Variants in SEMA5A observed in about 807,000 individuals in gnomAD.
SEMA5A encodes semaphorin 5A, also known as semaphorin-5A.
SEMA5A carries 55 observed loss-of-function variants against 135.5 expected under a neutral mutation model. The observed-to-expected ratio is 0.41, with a 90% CI of 0.33 to 0.51. The LOEUF is 0.51. Among genes scored for constraint, SEMA5A ranks in the 20% least tolerant of loss-of-function variants. The pLI, the probability that SEMA5A is intolerant of heterozygous loss-of-function variation, is 0.37. For synonymous variants in SEMA5A, 580 were observed against 546.5 expected (o/e 1.06, Z -0.85); for missense variants, 1,290 against 1,419.9 (o/e 0.91, Z 1.47).
chr5:9,458,653 G>A (rs1758938634), intron 1 of SEMA5A, among the ~76,000 whole-genome samples: 1 of 152,202 alleles, frequency 6.6e-6, no homozygotes, highest in Non-Finnish European at 1.5e-5. Context: ...CCAAGGGTGA[G>A]GGAGGGAAGA....
At chr5:9,239,997 A>G (rs866267599) in intron 5 of SEMA5A, among the ~76,000 whole-genome samples, 2 of 152,098 alleles carry the variant, frequency 1.3e-5, no homozygotes, top group Non-Finnish European at 2.9e-5. Flanking sequence ...AGTCTACCTA[A>G]TGCCCAAATA....
At chr5:9,281,194 T>C (rs929305) in intron 5 of SEMA5A, among the ~76,000 whole-genome samples, 58,882 of 152,092 alleles carry the variant, frequency 0.39, 11,767 homozygotes, top group East Asian at 0.48. Context: ...AATGTATCTT[T>C]ACTTCTATAG....
chr5:9,220,193 G>A (rs946778173), intron 8 of SEMA5A, among the ~76,000 whole-genome samples: 5 of 152,154 alleles, frequency 3.3e-5, no homozygotes, highest in Admixed American at 2.6e-4. Flanking sequence ...ATGGTCTTTT[G>A]GGACTTGTGG....
chr5:9,314,919 G>A (rs953489934), intron 5 of SEMA5A, among the ~76,000 whole-genome samples: 2 of 152,050 alleles, frequency 1.3e-5, no homozygotes, highest in African/African-American at 4.8e-5. Context: ...AGTAGACTAA[G>A]CTCTCACCAC....
At chr5:9,173,831 C>T (rs1744060999) in intron 11 of SEMA5A, among the ~76,000 whole-genome samples, 1 of 152,128 alleles carries the variant, frequency 6.6e-6, no homozygotes, top group African/African-American at 2.4e-5. Context: ...AAGACAGGAT[C>T]GTGTAGGAAC....
At chr5:9,148,479 G>C (rs923012329) in intron 12 of SEMA5A, among the ~76,000 whole-genome samples, 1 of 152,232 alleles carries the variant, frequency 6.6e-6, no homozygotes, top group Admixed American at 6.5e-5. Flanking sequence ...CCTGGAACGC[G>C]GGAGGATTAT....
chr5:9,271,963 CAGG>C, intron 5 of SEMA5A, among the ~76,000 whole-genome samples: 1 of 152,252 alleles, frequency 6.6e-6, no homozygotes, highest in East Asian at 1.9e-4. Flanking sequence ...AAGCTAGCCA[CAGG>C]AGTTGTTTTT....
At chr5:9,400,584 G>T (rs1579479546) in intron 2 of SEMA5A, among the ~76,000 whole-genome samples, 2 of 48,728 alleles carry the variant, frequency 4.1e-5, no homozygotes, top group South Asian at 1.4e-3. Context: ...TCGGCTCACT[G>T]CAAGCTCCGC....
At chr5:9,430,686 C>G (rs894413333) in intron 2 of SEMA5A, among the ~76,000 whole-genome samples, 1 of 152,098 alleles carries the variant, frequency 6.6e-6, no homozygotes, top group Non-Finnish European at 1.5e-5. Context: ...GACTGAGCCT[C>G]GACTGCTGGA....
At chr5:9,454,909 C>T (rs1476494410) in intron 1 of SEMA5A, among the ~76,000 whole-genome samples, 1 of 152,170 alleles carries the variant, frequency 6.6e-6, no homozygotes, top group Non-Finnish European at 1.5e-5. Flanking sequence ...AACTAGATGA[C>T]ATGTGTTCTC....
chr5:9,181,590 C>G (rs1405285637), intron 11 of SEMA5A, among the ~76,000 whole-genome samples: 1 of 152,114 alleles, frequency 6.6e-6, no homozygotes, highest in Non-Finnish European at 1.5e-5. Flanking sequence ...AGGCCTAACT[C>G]AGCCCCTCAG....
intron 1 of SEMA5A, among the ~76,000 whole-genome samples, chr5:9,504,018 T>C (rs1425131650): frequency 6.6e-6 from 1 of 151,894 alleles, no homozygotes; most frequent in African/African-American, 2.4e-5. Context: ...GATTTGAGAC[T>C]AGCCTGGCCA....
At chr5:9,059,638 C>T (rs1737075364) in intron 18 of SEMA5A, among the ~76,000 whole-genome samples, 1 of 152,192 alleles carries the variant, frequency 6.6e-6, no homozygotes, top group South Asian at 2.1e-4. Flanking sequence ...CAAACTCCAC[C>T]TCCTGGGCTC....
rs187665067 is a variant in SEMA5A, at chr5:9,272,463, A to T, written c.271-34573T>A. ...CAGCAGGCTGAAACATCCCTGCCTG[A>T]TGGCTCTGAAGAGAACAGAGATCTC... is the stretch of plus-strand genomic sequence containing the variant. On this transcript the variant is annotated intron_variant, in intron 5 of 22. Transcript: ENST00000382496. Among the ~76,000 whole-genome samples the T allele has an allele frequency of 3.9e-4, 59 of 152,258 alleles. No individual in the cohort carries two copies. The East Asian group carries it at 0.01, about 26-fold the overall frequency.
chr5:9,103,405 CAAAT>C (rs1579397511), intron 16 of SEMA5A, among the ~76,000 whole-genome samples: 1 of 152,162 alleles, frequency 6.6e-6, no homozygotes, highest in African/African-American at 2.4e-5. Context: ...TTGACACAAA[CAAAT>C]GTTAGTGTGT....
chr5:9,047,988 C>T (rs116056261), intron 21 of SEMA5A, among the ~76,000 whole-genome samples: 4,453 of 152,224 alleles, frequency 0.029, 226 homozygotes, highest in African/African-American at 0.1. Flanking sequence ...GAACTGCACA[C>T]GTCTGGCAGC....
At chr5:9,340,286 C>G (rs1173217193) in intron 3 of SEMA5A, among the ~76,000 whole-genome samples, 1 of 152,178 alleles carries the variant, frequency 6.6e-6, no homozygotes, top group East Asian at 1.9e-4. Flanking sequence ...CACCACAACT[C>G]ACAGCCCCCA....
chr5:9,118,506 T>C (rs1740638329), intron 15 of SEMA5A, among the ~76,000 whole-genome samples: 1 of 152,202 alleles, frequency 6.6e-6, no homozygotes, highest in African/African-American at 2.4e-5. Flanking sequence ...TGGGTTGTGC[T>C]GCAGCTTCAT....
At chr5:9,468,386 C>T (rs1172666319) in intron 1 of SEMA5A, among the ~76,000 whole-genome samples, 1 of 152,094 alleles carries the variant, frequency 6.6e-6, no homozygotes, top group Non-Finnish European at 1.5e-5. Context: ...AATGGTGACT[C>T]CTACATACTA....
Sources: allele counts gnomAD v4.1 joint callset (sites outside exome capture counted in the v4.1 genomes callset), GRCh38; gene constraint gnomAD v4.1.1; transcripts MANE v1.5; gene names NCBI Gene and HGNC (gene_info 2026-07-23, HGNC 2026-07-21).